TSPAN5: variants seen among roughly 807,000 people sequenced by gnomAD.
TSPAN5 encodes tetraspanin 5, also known as tetraspanin-5.
In TSPAN5, 10 loss-of-function variants were observed where a neutral mutation model predicts 37.1. That is an observed-to-expected ratio of 0.27 (90% CI 0.17 to 0.46). TSPAN5 has a LOEUF of 0.46. Ranked by LOEUF, TSPAN5 falls within the 20% of genes least tolerant of loss-of-function variation. TSPAN5 has a pLI of 1.00. For synonymous variants in TSPAN5, 110 were observed against 118.9 expected, an observed-to-expected ratio of 0.93 and a Z score of 0.48; for missense variants, 195 against 326.6, an observed-to-expected ratio of 0.60 and a Z score of 3.11.
chr4:98,513,910 T>A (rs1430761578), intron 1 of TSPAN5, among the ~76,000 whole-genome samples: 12 of 137,588 alleles, frequency 8.7e-5, no homozygotes, highest in African/African-American at 3.2e-4. Context: ...AGATAGATAG[T>A]ATATATCAAG....
chr4:98,649,149 T>C (rs888801303), intron 1 of TSPAN5, among the ~76,000 whole-genome samples: 1 of 152,132 alleles, frequency 6.6e-6, no homozygotes, highest in South Asian at 2.1e-4. Context: ...GGTTCTTTTC[T>C]TTCTTAAGTG....
chr4:98,634,603 C>T (rs576668126), intron 1 of TSPAN5, among the ~76,000 whole-genome samples: 4 of 152,326 alleles, frequency 2.6e-5, no homozygotes, highest in South Asian at 2.1e-4. Flanking sequence ...TTGTCAGATG[C>T]TTTGTCCCAA....
intron 2 of TSPAN5, among the ~76,000 whole-genome samples, chr4:98,491,174 TTATC>T (rs1753077910): frequency 6.6e-6 from 1 of 152,188 alleles, no homozygotes; most frequent in African/African-American, 2.4e-5. Flanking sequence ...CCTCACATAG[TTATC>T]ATTTTTGTGG....
At chr4:98,592,428 G>GTTT (rs35941064) in intron 1 of TSPAN5, among the ~76,000 whole-genome samples, 76 of 119,014 alleles carry the variant, frequency 6.4e-4, no homozygotes, top group Non-Finnish European at 9.8e-4. Flanking sequence ...TCTGTTTTTT[G>GTTT]TTTTTTTTTT....
chr4:98,486,820 AG>A lies in TSPAN5; in HGVS notation c.196del (p.Val67TrpfsTer5). ...AATGAACATCACTCCTCCCACCACAAGGAAGAGCCAAACTGGGTCAAAGCCG... is the reference window on the plus strand; with the variant it reads ...AATGAACATCACTCCTCCCACCACAAGAAGAGCCAAACTGGGTCAAAGCCG... ...LGGFDPVWLF[L>X]VVGGVMFILG... is the part of the protein sequence containing the mutation. On this transcript the variant is annotated frameshift_variant, in exon 3 of 8. Transcript: ENST00000305798. LOFTEE classifies it high-confidence loss of function. The A allele has an allele frequency of 6.2e-7, 1 of 1,614,146 alleles. No homozygotes were observed. The highest frequency in any genetic ancestry group is 8.5e-7 in the Non-Finnish European group (1 of 1,180,028).
intron 5 of TSPAN5, among the ~76,000 whole-genome samples, chr4:98,477,729 A>G (rs1560504962): frequency 1.3e-5 from 2 of 150,208 alleles, no homozygotes; most frequent in African/African-American, 2.5e-5. Flanking sequence ...TGGCATGATC[A>G]TGGCTCACTG....
intron 1 of TSPAN5, among the ~76,000 whole-genome samples, chr4:98,561,763 C>A (rs1175961971): frequency 6.6e-6 from 1 of 152,214 alleles, no homozygotes; most frequent in Non-Finnish European, 1.5e-5. Flanking sequence ...GCGCTGAGCA[C>A]TACTATAGGT....
intron 2 of TSPAN5, among the ~76,000 whole-genome samples, chr4:98,491,169 CAT>C (rs1753077613): frequency 1.3e-5 from 2 of 152,184 alleles, no homozygotes; most frequent in African/African-American, 4.8e-5. Context: ...CATTACCTCA[CAT>C]AGTTATCATT....
At chr4:98,531,782 T>C (rs1488748398) in intron 1 of TSPAN5, among the ~76,000 whole-genome samples, 1 of 152,214 alleles carries the variant, frequency 6.6e-6, no homozygotes, top group African/African-American at 2.4e-5. Flanking sequence ...TGGTATCTCA[T>C]TGTGGTTTTG....
At chr4:98,583,516 C>A (rs1755415985) in intron 1 of TSPAN5, among the ~76,000 whole-genome samples, 1 of 151,988 alleles carries the variant, frequency 6.6e-6, no homozygotes. Context: ...TAATCTCTAA[C>A]AGGCAAAACA....
chr4:98,479,272 T>A (rs1752782622), intron 4 of TSPAN5, among the ~76,000 whole-genome samples: 1 of 152,252 alleles, frequency 6.6e-6, no homozygotes, highest in African/African-American at 2.4e-5. Context: ...ATAGTTTTTT[T>A]AAAGATCTGT....
chr4:98,486,798 G>A lies in TSPAN5; in HGVS notation c.219C>T (p.Phe73=). The A allele has an allele frequency of 2.5e-6, 4 of 1,614,024 alleles. No individual in the cohort carries two copies. Among genetic ancestry groups the A allele is most frequent in the Non-Finnish European group, 3.4e-6 (4 of 1,180,008 alleles). The change falls in exon 3 of 8, where the codon TTC becomes TTT. Residue 73 remains phenylalanine, a synonymous_variant. Transcript: ENST00000305798. ...CAATGCACCCTGCAAATCCCAAAAT[G>A]AACATCACTCCTCCCACCACAAGGA... ...WLFLVVGGVM[F]ILGFAGCIGA...
intron 1 of TSPAN5, among the ~76,000 whole-genome samples, chr4:98,620,882 T>C (rs1475808832): frequency 6.6e-6 from 1 of 152,202 alleles, no homozygotes; most frequent in Non-Finnish European, 1.5e-5. Flanking sequence ...ATTTTTTTAA[T>C]TGAAAATTCA....
chr4:98,626,454 CAG>C (rs747532962), intron 1 of TSPAN5, among the ~76,000 whole-genome samples: 1 of 152,150 alleles, frequency 6.6e-6, no homozygotes, highest in East Asian at 1.9e-4. Context: ...AAAATTCCCC[CAG>C]AGTTTCTCAT....
intron 1 of TSPAN5, among the ~76,000 whole-genome samples, chr4:98,624,427 G>C (rs1204805868): frequency 6.6e-6 from 1 of 151,480 alleles, no homozygotes; most frequent in African/African-American, 2.4e-5. Flanking sequence ...GTTTCCCAGA[G>C]GAAAAAAAAA....
At chr4:98,646,451 T>TCC (rs577630914) in intron 1 of TSPAN5, among the ~76,000 whole-genome samples, 136 of 151,342 alleles carry the variant, frequency 9.0e-4, no homozygotes, top group Non-Finnish European at 1.6e-3. Context: ...GTATCTATCC[T>TCC]CCCCACCCCA....
At chr4:98,641,952 G>C (rs553092571) in intron 1 of TSPAN5, among the ~76,000 whole-genome samples, 4 of 152,356 alleles carry the variant, frequency 2.6e-5, no homozygotes, top group Admixed American at 2.6e-4. Flanking sequence ...GGTAGGCAAA[G>C]TGTTGAACAG....
chr4:98,495,506 C>T (rs6837627), intron 2 of TSPAN5, among the ~76,000 whole-genome samples: 64,441 of 144,900 alleles, frequency 0.44, 14,404 homozygotes, highest in Admixed American at 0.52. Flanking sequence ...CACTACAGCC[C>T]GGGAGACAGA....
chr4:98,583,861 T>G (rs1218847589), intron 1 of TSPAN5, among the ~76,000 whole-genome samples: 1 of 152,180 alleles, frequency 6.6e-6, no homozygotes, highest in Non-Finnish European at 1.5e-5. Flanking sequence ...TATTCATTGC[T>G]TCCCCACTCC....
Sources: gnomAD v4.1 joint callset for allele counts (sites outside exome capture counted in the v4.1 genomes callset) on GRCh38, gnomAD v4.1.1 for gene constraint, MANE v1.5 for transcripts, NCBI Gene and HGNC (gene_info 2026-07-23, HGNC 2026-07-21) for gene names.